Variants in DENND1A observed in about 807,000 individuals in gnomAD.
DENND1A encodes the protein DENN domain-containing protein 1A.
A neutral mutation model predicts 113.7 loss-of-function variants in DENND1A; 51 were observed. The ratio of observed to expected loss-of-function variants is 0.45; its 90% confidence interval spans 0.36 to 0.57. The LOEUF (loss-of-function observed/expected upper bound fraction) is 0.57. Ranked by LOEUF, DENND1A falls within the 20% of genes least tolerant of loss-of-function variation. The probability of loss-of-function intolerance (pLI) is 0.00; values close to 1 mark genes in which losing one functional copy is unlikely to be tolerated. For missense variants in DENND1A, 1,258 were observed against 1,395.9 expected (o/e 0.90, Z 1.57); for synonymous variants, 565 against 570.8 (o/e 0.99, Z 0.14).
At chr9:123,904,526 A>G (rs1852387997) in intron 1 of DENND1A, among the ~76,000 whole-genome samples, 1 of 143,996 alleles carries the variant, frequency 6.9e-6, no homozygotes, top group East Asian at 2.0e-4. Context: ...TGCTTAAAGG[A>G]GCTGATGGAG....
intron 5 of DENND1A, among the ~76,000 whole-genome samples, chr9:123,753,024 A>G (rs187713435): frequency 1.3e-5 from 2 of 152,342 alleles, no homozygotes; most frequent in African/African-American, 2.4e-5. Flanking sequence ...TTTGATTTAT[A>G]GTGGCATTTG....
intron 2 of DENND1A, among the ~76,000 whole-genome samples, chr9:123,845,934 C>A: frequency 6.6e-6 from 1 of 151,990 alleles, no homozygotes. Context: ...GAAAAGTTAA[C>A]CTACAAAGTG....
intron 1 of DENND1A, among the ~76,000 whole-genome samples, chr9:123,904,964 C>T (rs1052148662): frequency 2.0e-5 from 3 of 152,146 alleles, no homozygotes; most frequent in Admixed American, 6.5e-5. Flanking sequence ...AGAGAAAGGT[C>T]GGGTTACCCT....
intron 12 of DENND1A, among the ~76,000 whole-genome samples, chr9:123,582,738 C>A (rs988998247): frequency 6.7e-6 from 1 of 149,792 alleles, no homozygotes; most frequent in African/African-American, 2.5e-5. Context: ...CTCGCTCTGT[C>A]ACCCAGGCTG....
intron 20 of DENND1A, among the ~76,000 whole-genome samples, chr9:123,407,909 C>T (rs1377740973): frequency 2.0e-5 from 3 of 152,210 alleles, no homozygotes; most frequent in Non-Finnish European, 2.9e-5. Context: ...CGCAGGCCGA[C>T]GGCAGCCTGC....
chr9:123,754,017 C>T (rs554590238), intron 5 of DENND1A, among the ~76,000 whole-genome samples: 7 of 152,252 alleles, frequency 4.6e-5, no homozygotes, highest in Middle Eastern at 3.4e-3. Context: ...ACAGGGGCTA[C>T]GTCTGCACAG....
At chr9:123,620,213 C>CAAAAAAAAAAAAAAAAAA (rs34196587) in intron 10 of DENND1A, among the ~76,000 whole-genome samples, 12 of 59,032 alleles carry the variant, frequency 2.0e-4, no homozygotes, top group Non-Finnish European at 2.5e-4. Context: ...GACTCCATCT[C>CAAAAAAAAAAAAAAAAAA]AAAAAAAAAA....
intron 9 of DENND1A, among the ~76,000 whole-genome samples, chr9:123,648,467 G>A (rs1452838479): frequency 2.0e-5 from 3 of 152,130 alleles, no homozygotes; most frequent in Admixed American, 1.3e-4. Context: ...TATTTCTTCT[G>A]TGAAATGCTA....
At chr9:123,415,789 G>T (rs941978078) in intron 19 of DENND1A, among the ~76,000 whole-genome samples, 1 of 152,200 alleles carries the variant, frequency 6.6e-6, no homozygotes, top group Non-Finnish European at 1.5e-5. Context: ...AGGGCCAGGG[G>T]CACAGTGGAC....
Position 123,769,525 on chromosome 9 carries a change from G to C in DENND1A, c.171C>G (p.Phe57Leu). 1 of 1,609,726 alleles carries C rather than the reference G, an allele frequency of 6.2e-7. No individual in the cohort carries two copies. The highest frequency in any genetic ancestry group is 1.1e-5 in the South Asian group (1 of 90,294). Residue 57 changes from phenylalanine (F) to leucine (L), a missense_variant, in exon 4 of 24, where the codon TTC becomes TTG. By Grantham distance (22) the Phe-to-Leu change is conservative (BLOSUM62 0). Transcript: ENST00000394215. Reference sequence around the variant, plus strand: ...AAATCTGACACTACCTGTCCACATAGAAGGGGAAACAAAACTTGGTCAAAG... The same window carrying C: ...AAATCTGACACTACCTGTCCACATACAAGGGGAAACAAAACTTGGTCAAAG... ...LQTLTKFCFP[F>L]YVDSLTVSQV...
intron 5 of DENND1A, among the ~76,000 whole-genome samples, chr9:123,677,558 T>G (rs1461031708): frequency 1.3e-5 from 2 of 152,162 alleles, no homozygotes; most frequent in Non-Finnish European, 2.9e-5. Context: ...CTCAGCCTTC[T>G]GAGTAGCTGG....
At chr9:123,810,563 A>C (rs1009731737) in intron 2 of DENND1A, among the ~76,000 whole-genome samples, 6 of 151,132 alleles carry the variant, frequency 4.0e-5, no homozygotes, top group South Asian at 2.1e-4. Context: ...AAAAAAAAAA[A>C]AAAAAACAAA....
chr9:123,456,001 AG>A (rs1450693548), intron 15 of DENND1A, among the ~76,000 whole-genome samples: 2 of 152,136 alleles, frequency 1.3e-5, no homozygotes, highest in African/African-American at 2.4e-5. Context: ...ACACTCCTTG[AG>A]GGCAGAACTG....
intron 2 of DENND1A, among the ~76,000 whole-genome samples, chr9:123,878,561 T>G (rs568678680): frequency 6.6e-6 from 1 of 152,226 alleles, no homozygotes; most frequent in Non-Finnish European, 1.5e-5. Flanking sequence ...GGCAGAGAAT[T>G]TCCTTTATAT....
intron 18 of DENND1A, among the ~76,000 whole-genome samples, chr9:123,440,798 C>T (rs1255653969): frequency 1.3e-5 from 2 of 152,218 alleles, no homozygotes; most frequent in African/African-American, 4.8e-5. Context: ...ACTTTGTCCA[C>T]ATGCAGACGT....
intron 13 of DENND1A, among the ~76,000 whole-genome samples, chr9:123,497,977 A>C (rs934460401): frequency 3.3e-5 from 5 of 152,234 alleles, no homozygotes; most frequent in Non-Finnish European, 7.3e-5. Context: ...ATTACTGTGC[A>C]AGGAGCCTTA....
At chr9:123,772,801 T>C (rs1829939705) in intron 3 of DENND1A, among the ~76,000 whole-genome samples, 1 of 152,194 alleles carries the variant, frequency 6.6e-6, no homozygotes, top group Non-Finnish European at 1.5e-5. Context: ...CAGTCCACCA[T>C]GTCACCACTG....
intron 22 of DENND1A, among the ~76,000 whole-genome samples, 179 bp from the exon 23 acceptor site, chr9:123,384,092 G>A (rs549968081): frequency 6.6e-6 from 1 of 152,360 alleles, no homozygotes; most frequent in African/African-American, 2.4e-5. Flanking sequence ...TGCAAGCTGG[G>A]CATGCCGATG....
intron 11 of DENND1A, among the ~76,000 whole-genome samples, chr9:123,588,601 C>T (rs1419664967): frequency 1.8e-5 from 2 of 109,992 alleles, no homozygotes; most frequent in Non-Finnish European, 3.3e-5. Flanking sequence ...GCCTAGGTGA[C>T]AAGAGTGAAA....
Sources: gnomAD v4.1 joint callset for allele counts (sites outside exome capture counted in the v4.1 genomes callset) on GRCh38, gnomAD v4.1.1 for gene constraint, MANE v1.5 for transcripts, NCBI Gene and HGNC (gene_info 2026-07-23, HGNC 2026-07-21) for gene names.